Variants in FARP2 observed in about 807,000 individuals in gnomAD.
FARP2 encodes the protein FERM, ARH/RhoGEF and pleckstrin domain protein 2, also known as FERM, ARHGEF and pleckstrin domain-containing protein 2.
FARP2 carries 111 observed loss-of-function variants against 130.5 expected under a neutral mutation model. The ratio of observed to expected loss-of-function variants is 0.85; its 90% CI spans 0.73 to 1.00. The LOEUF (loss-of-function observed/expected upper bound fraction) is 1.00. Among genes scored for constraint, FARP2 ranks in the 50% least tolerant of loss-of-function variants. The pLI is 0.00. For synonymous variants in FARP2, 504 were observed against 516.9 expected (o/e 0.98, Z 0.34); for missense variants, 1,385 against 1,346.3 (o/e 1.03, Z -0.45).
At chr2:241,372,998 GT>G in intron 1 of FARP2, 85 bp from the exon 2 acceptor site, 1 of 623,124 alleles carries the variant, frequency 1.6e-6, no homozygotes, top group Non-Finnish European at 2.4e-6. Context: ...GGATTCCCGT[GT>G]CTCCGATAAT....
chr2:241,449,741 G>A (rs1251395062), intron 13 of FARP2, among the ~76,000 whole-genome samples: 5 of 152,196 alleles, frequency 3.3e-5, no homozygotes, highest in Non-Finnish European at 7.3e-5. Context: ...GCTCCCGCCT[G>A]TAATCCCAGC....
chr2:241,439,576 G>T (rs532116541), intron 12 of FARP2, among the ~76,000 whole-genome samples: 7 of 151,994 alleles, frequency 4.6e-5, no homozygotes, highest in Middle Eastern at 3.4e-3. Context: ...TGATCCGCCC[G>T]ACTCGGCCTC....
chr2:241,435,908 A>ATTTTTTTTTTTTTTTTTTTTTTT (rs34703186), intron 11 of FARP2, among the ~76,000 whole-genome samples: 1 of 101,000 alleles, frequency 9.9e-6, no homozygotes, highest in African/African-American at 3.8e-5. Flanking sequence ...AGTATAGTAA[A>ATTTTTTTTTTTTTTTTTTTTTTT]TTTTTTTTTT....
chr2:241,441,549 T>G lies in FARP2; in HGVS notation c.1404T>G (p.Pro468=). The change falls in exon 13 of 27, where the codon CCT becomes CCG. Residue 468 remains proline (P), a synonymous_variant. Coordinates refer to ENST00000264042, the MANE Select transcript of FARP2 (RefSeq NM_014808.4). ...CCCTCGGGCCCCCCGCACTCCAGCC[T>G]GGTCCAGGTGTCGGGTTTTGTCATG... ...AQPLGPPALQ[P]GPGLSTKSPQ... The G allele has an allele frequency of 4.3e-6, 7 of 1,614,002 alleles. No homozygotes were observed. Among genetic ancestry groups the G allele is most frequent in the Non-Finnish European group, 5.9e-6 (7 of 1,180,042 alleles).
At chr2:241,398,628 G>A (rs2062087719) in intron 2 of FARP2, among the ~76,000 whole-genome samples, 1 of 150,680 alleles carries the variant, frequency 6.6e-6, no homozygotes, top group Admixed American at 6.6e-5. Context: ...GGAGTGCAGT[G>A]GTGCAATCTT....
At position 241,456,893 on chromosome 2, in the gene FARP2, G is replaced by A. The variant is rs141474478; in HGVS notation, c.1558G>A (p.Gly520Arg). ...SPVLSDAGGA[G>R]MDCEEPRHKR... The stretch of plus-strand genomic sequence containing the variant: ...TGTCCTCAGTGATGCTGGCGGAGCC[G>A]GGATGGACTGCGAGGAGCCCAGACA... Residue 520 changes from glycine (G) to arginine (R), a missense_variant, in exon 14 of 27, where the codon GGG (glycine) becomes AGG (arginine). By Grantham distance (125) the Gly-to-Arg change is moderately radical. Transcript: ENST00000264042. The A allele has an allele frequency of 2.6e-5, 41 of 1,607,596 alleles. No homozygotes were observed. In the East Asian group the frequency reaches 5.4e-4, roughly 21 times the overall value.
At chr2:241,378,880 C>T (rs1281506344) in intron 2 of FARP2, among the ~76,000 whole-genome samples, 2 of 152,092 alleles carry the variant, frequency 1.3e-5, no homozygotes, top group Non-Finnish European at 2.9e-5. Context: ...GTTTTTTTAT[C>T]TAGGAAAGTC....
At chr2:241,429,287 C>G (rs1415562034) in intron 8 of FARP2, among the ~76,000 whole-genome samples, 1 of 151,836 alleles carries the variant, frequency 6.6e-6, no homozygotes, top group Non-Finnish European at 1.5e-5. Flanking sequence ...AATCTAGGAG[C>G]AAATGCTGTA....
chr2:241,383,040 G>A (rs1034138147), intron 2 of FARP2, among the ~76,000 whole-genome samples: 8 of 152,228 alleles, frequency 5.3e-5, no homozygotes, highest in African/African-American at 1.9e-4. Flanking sequence ...TTATGGTGAA[G>A]GAAAGGATAG....
chr2:241,493,177 T>C lies in FARP2; in HGVS notation c.2896-116T>C, dbSNP rs1195748204. The C allele has an allele frequency of 6.2e-6, 8 of 1,287,718 alleles. No homozygotes were observed. The Admixed American group carries it at 1.5e-4, about 24-fold the overall frequency. The allele number at this position is 1,287,718 out of a possible 1,614,324, so 79.8% of individuals were successfully genotyped here. ...CCCTGTGCTGTGTGAACAGGGAAAC[T>C]GGCTCCCTTGGCCCGTGGGCATTTG... is the stretch of plus-strand genomic sequence containing the variant. On this transcript the variant is annotated intron_variant, in intron 25 of 26. Coordinates refer to ENST00000264042, the MANE Select transcript of FARP2 (RefSeq NM_014808.4).
chr2:241,462,441 A>G (rs1004264812), intron 14 of FARP2, 82 bp from the exon 15 acceptor site: 10 of 932,874 alleles, frequency 1.1e-5, no homozygotes, highest in Non-Finnish European at 1.6e-5. Context: ...AAGAAAGCAA[A>G]CATTACCAAC....
intron 9 of FARP2, among the ~76,000 whole-genome samples, chr2:241,433,705 A>G (rs975897138): frequency 1.3e-5 from 2 of 152,224 alleles, no homozygotes; most frequent in African/African-American, 4.8e-5. Flanking sequence ...AGATGGAACC[A>G]GAAGACTTTG....
intron 2 of FARP2, among the ~76,000 whole-genome samples, chr2:241,396,506 A>G (rs1375105350): frequency 6.6e-6 from 1 of 152,218 alleles, no homozygotes; most frequent in Non-Finnish European, 1.5e-5. Flanking sequence ...AAACAACCCC[A>G]TCAAAAAGTG....
chr2:241,409,616 C>T (rs528683281), intron 5 of FARP2, among the ~76,000 whole-genome samples: 1 of 152,204 alleles, frequency 6.6e-6, no homozygotes, highest in Non-Finnish European at 1.5e-5. Flanking sequence ...CCTTATTCTC[C>T]GCATAAGTAC....
rs751596956 is a variant in FARP2, at chr2:241,491,170, C to T, written c.2614C>T (p.Arg872Cys). 8 of 1,610,958 alleles carry T rather than the reference C, an allele frequency of 5.0e-6. No individual in the cohort carries two copies. The East Asian group carries it at 6.7e-5, about 13-fold the overall frequency. ...ACTGCCAGGCCGCACTGTGTGCACT[C>T]GTCCCCCCAGTGAGTGCTGGCCACA... Reference protein sequence around the residue: ...PALPGRTVCTRPPRSPNEVSL... With the variant: ...PALPGRTVCTCPPRSPNEVSL... The change falls in exon 23 of 27, where the codon CGT (arginine) becomes TGT (cysteine). Residue 872 changes from arginine (R) to cysteine (C), a missense_variant. Transcript: ENST00000264042.
rs1229288020 is a variant in FARP2, at chr2:241,364,799, A to G, written c.-24-8285A>G. Among the ~76,000 whole-genome samples the G allele has an allele frequency of 2.6e-5, 4 of 152,340 alleles. No homozygotes were observed. In the South Asian group the frequency reaches 8.3e-4, roughly 32 times the overall value. ...TACTTTTCATTTTTTCTTGACAACT[A>G]TTCCTTCACAGTCATTTTTAATATA... is the stretch of plus-strand genomic sequence containing the variant. On this transcript the variant is annotated intron_variant, in intron 1 of 26. Coordinates refer to ENST00000264042, the MANE Select transcript of FARP2 (RefSeq NM_014808.4).
At chr2:241,376,033 A>T (rs2061528686) in intron 2 of FARP2, among the ~76,000 whole-genome samples, 1 of 152,118 alleles carries the variant, frequency 6.6e-6, no homozygotes, top group South Asian at 2.1e-4. Flanking sequence ...TAAGTAACAA[A>T]CCATCCCAAA....
In FARP2 at chr2:241,413,383, C is replaced by G; in HGVS notation, c.585C>G (p.His195Gln). Residue 195 changes from histidine to glutamine, a missense_variant, in exon 7 of 27, where the codon CAC becomes CAG. Coordinates refer to ENST00000264042, the MANE Select transcript of FARP2 (RefSeq NM_014808.4). ...ACGAGTATTTGCCTGGCCAGCAGCA[C>G]TGCCTTGAGAAGATACTAGAATTCC... is the stretch of plus-strand genomic sequence containing the variant. ...KVNEYLPGQQ[H>Q]CLEKILEFHQ... 6.2e-7 allele frequency: 1 copy of G among 1,612,172 alleles called. No individual in the cohort carries two copies.
At chr2:241,438,631 T>G (rs1392535586) in intron 12 of FARP2, among the ~76,000 whole-genome samples, 2 of 149,846 alleles carry the variant, frequency 1.3e-5, no homozygotes, top group African/African-American at 2.5e-5. Context: ...GTTTTTTTTT[T>G]TTGTTTTTTT....
Sources: allele counts gnomAD v4.1 joint callset (sites outside exome capture counted in the v4.1 genomes callset), GRCh38; gene constraint gnomAD v4.1.1; transcripts MANE v1.5; gene names NCBI Gene and HGNC (gene_info 2026-07-23, HGNC 2026-07-21).